Variants in ZNF557 observed in about 807,000 individuals in gnomAD.
ZNF557 encodes the protein CTB-25J19.9.
A neutral mutation model predicts 21.2 loss-of-function variants in ZNF557; 19 were observed. That is an observed-to-expected ratio of 0.90 (90% CI 0.63 to 1.32). The LOEUF is 1.32. ZNF557 is among the 40% of genes most tolerant of loss of function. The pLI is 0.00. For synonymous variants in ZNF557, 207 were observed against 194.8 expected (o/e 1.06, Z -0.52); for missense variants, 487 against 519.8 (o/e 0.94, Z 0.61).
In ZNF557 at chr19:7,084,534, C is replaced by T. The variant is rs1248534103; in HGVS notation, c.*790C>T. ...TCTGGCTAATTTGTTTTTTTTTAAA[C>T]TAGAGGGAGGGTTTTGCCATGTTGC... On this transcript the variant is annotated 3_prime_UTR_variant, in exon 8 of 8. Transcript: ENST00000252840. The T allele has an allele frequency of 6.6e-6, 1 of 151,382 alleles. No homozygotes were observed. Among genetic ancestry groups the T allele is most frequent in the African/African-American group, 2.4e-5 (1 of 41,124 alleles). The allele number at this position is 151,382 out of a possible 1,614,324, so 9.4% of individuals were successfully genotyped here. A position where few individuals can be genotyped will look rare whatever the true frequency, so the allele number is the denominator to read the frequency against.
rs1185955562 is a variant in ZNF557 at position 7,086,139 on chromosome 19, G to A, written c.*2395G>A. On this transcript the variant is annotated 3_prime_UTR_variant, in exon 8 of 8. Coordinates refer to ENST00000252840, the MANE Select transcript of ZNF557 (RefSeq NM_024341.3). The stretch of plus-strand genomic sequence containing the variant: ...CCAGCTACTCAAGAGGCTGAGGAAG[G>A]AGAATCACTTGAACCCGGGAAATGG... 2 of 147,070 alleles carry A rather than the reference G, an allele frequency of 1.4e-5. No homozygotes were observed. Among genetic ancestry groups the A allele is most frequent in the African/African-American group, 5.1e-5 (2 of 39,530 alleles). The allele number at this position is 147,070 out of a possible 1,614,324, so 9.1% of individuals were successfully genotyped here.
chr19:7,081,828 A>G (rs1349775239), intron 6 of ZNF557, 142 bp from the exon 7 acceptor site: 7 of 635,868 alleles, frequency 1.1e-5, no homozygotes, highest in South Asian at 3.8e-5. Context: ...TTTCACACCC[A>G]TATCTCTTTC....
rs1004046230 is a variant in ZNF557 at position 7,086,486 on chromosome 19, C to G, written c.*2742C>G. The stretch of plus-strand genomic sequence containing the variant: ...ACGCCATCCTCCTGCCTCAGCCTCC[C>G]GAGTAGCTGGGACTACAGGTGCCCA... On this transcript the variant is annotated 3_prime_UTR_variant, in exon 8 of 8. Coordinates refer to ENST00000252840, the MANE Select transcript of ZNF557 (RefSeq NM_024341.3). 6.7e-6 allele frequency: 1 copy of G among 150,194 alleles called. No individual in the cohort carries two copies. Among genetic ancestry groups the G allele is most frequent in the East Asian group, 2.1e-4 (1 of 4,862 alleles). The allele number at this position is 150,194 out of a possible 1,614,324, so 9.3% of individuals were successfully genotyped here. A position where few individuals can be genotyped will look rare whatever the true frequency, so the allele number is the denominator to read the frequency against.
intron 5 of ZNF557, among the ~76,000 whole-genome samples, chr19:7,077,236 A>G (rs916805797): frequency 5.2e-5 from 7 of 134,918 alleles, no homozygotes; most frequent in African/African-American, 8.4e-5. Context: ...TCCAGGTTCA[A>G]TCTGTTCTCC....
chr19:7,083,542 C>G lies in ZNF557; in HGVS notation c.1091C>G (p.Thr364Arg). Residue 364 changes from threonine to arginine, a missense_variant, in exon 8 of 8, where the codon ACA becomes AGA. Physicochemically the swap from Thr to Arg is moderately conservative, Grantham distance 71 (BLOSUM62 -1). Coordinates refer to ENST00000252840, the MANE Select transcript of ZNF557 (RefSeq NM_024341.3). The stretch of plus-strand genomic sequence containing the variant: ...TCCTTTACCAATAGCTTTTCTCTTA[C>G]AATTCACAGGAGAATACATAATGGA... ...GKSFTNSFSL[T>R]IHRRIHNGEK... is the part of the protein sequence containing the mutation. The G allele has an allele frequency of 6.2e-7, 1 of 1,614,120 alleles. No homozygotes were observed. The highest frequency in any genetic ancestry group is 8.5e-7 in the Non-Finnish European group (1 of 1,180,020).
Position 7,083,712 on chromosome 19 carries a change from G to C in ZNF557, c.1261G>C (p.Val421Leu). The C allele has an allele frequency of 6.2e-7, 1 of 1,611,050 alleles. No homozygotes were observed. The highest frequency in any genetic ancestry group is 8.5e-7 in the Non-Finnish European group (1 of 1,178,332). The change falls in exon 8 of 8, where the codon GTG (valine) becomes CTG (leucine). Residue 421 changes from valine (V) to leucine (L), a missense_variant. Val to Leu is a conservative substitution (Grantham distance 32, BLOSUM62 1). Coordinates refer to ENST00000252840, the MANE Select transcript of ZNF557 (RefSeq NM_024341.3). The part of the protein sequence containing the change: ...KSFTSNSYLS[V>L]HTRMHNRQM ...CTTCACAAGTAACTCCTACCTTTCT[G>C]TGCATACGAGAATGCATAATAGGCA...
At position 7,070,591 on chromosome 19, in the gene ZNF557, T is replaced by C. The variant is rs1267990262; in HGVS notation, c.-142T>C. 2 of 152,154 alleles carry C rather than the reference T, an allele frequency of 1.3e-5. No homozygotes were observed. Among genetic ancestry groups the C allele is most frequent in the African/African-American group, 4.8e-5 (2 of 41,414 alleles). 9.4% of individuals were successfully genotyped at this position (152,154 alleles called of 1,614,324 possible). ...AAAAAGTATAATTCAAGCTCAGATTTGTGTTGAAACCAGCCTCAAGTTTCA... is the reference window on the plus strand; with the variant it reads ...AAAAAGTATAATTCAAGCTCAGATTCGTGTTGAAACCAGCCTCAAGTTTCA... On this transcript the variant is annotated 5_prime_UTR_variant, in exon 2 of 8. Coordinates refer to ENST00000252840, the MANE Select transcript of ZNF557 (RefSeq NM_024341.3).
chr19:7,075,837 T>A (rs1183546370), intron 4 of ZNF557, 94 bp downstream of exon 4: 15 of 1,545,100 alleles, frequency 9.7e-6, no homozygotes, highest in Non-Finnish European at 1.3e-5. Context: ...ACGGCCAAAC[T>A]TGTTCCTCAG....
rs1977753701 is a variant in ZNF557, at chr19:7,083,146, G to T, written c.695G>T (p.Gly232Val). 3.7e-6 allele frequency: 6 copies of T among 1,614,034 alleles called. No individual in the cohort carries two copies. The highest frequency in any genetic ancestry group is 5.1e-6 in the Non-Finnish European group (6 of 1,180,014). Residue 232 changes from glycine (G) to valine (V), a missense_variant, in exon 8 of 8, where the codon GGG (glycine) becomes GTG (valine). Coordinates refer to ENST00000252840, the MANE Select transcript of ZNF557 (RefSeq NM_024341.3). The part of the protein sequence containing the change: ...YLTVHKRIHN[G>V]EKPYECSDCG... ...ACTGTTCATAAGAGAATCCACAATGGGGAGAAACCCTACGAATGCAGTGAC... is the reference window on the plus strand; with the variant it reads ...ACTGTTCATAAGAGAATCCACAATGTGGAGAAACCCTACGAATGCAGTGAC...
At chr19:7,075,370 A>T (rs184902479) in intron 3 of ZNF557, among the ~76,000 whole-genome samples, 1 of 152,282 alleles carries the variant, frequency 6.6e-6, no homozygotes, top group Admixed American at 6.5e-5. Context: ...AAACACAGTG[A>T]CGCCCTCGGA....
At position 7,083,395 on chromosome 19, in the gene ZNF557, C is replaced by T. The variant is rs1200411267; in HGVS notation, c.944C>T (p.Thr315Ile). 1.9e-6 allele frequency: 3 copies of T among 1,614,074 alleles called. No homozygotes were observed. Among genetic ancestry groups the T allele is most frequent in the African/African-American group, 1.3e-5 (1 of 74,930 alleles). Residue 315 changes from threonine to isoleucine, a missense_variant, in exon 8 of 8, where the codon ACA (threonine) becomes ATA (isoleucine). Physicochemically the swap from Thr to Ile is moderately conservative, Grantham distance 89 (BLOSUM62 -1). Coordinates refer to ENST00000252840, the MANE Select transcript of ZNF557 (RefSeq NM_024341.3). Reference protein sequence around the residue: ...SSLSSHYSIHTGEYPYECHDC... With the variant: ...SSLSSHYSIHIGEYPYECHDC... ...CTTTCTTCGCACTATAGCATTCATA[C>T]AGGGGAGTACCCTTACGAATGCCAC...
Position 7,081,296 on chromosome 19 carries a change from T to G in ZNF557, c.248-64T>G, listed in dbSNP as rs1418504834. On this transcript the variant is annotated intron_variant, in intron 5 of 7. Transcript: ENST00000252840. The stretch of plus-strand genomic sequence containing the variant: ...TCTTCACCTTCAGAACTGATTTCAG[T>G]TTCATGGGAGAGCTTGTCTGCTGCA... 5 of 1,139,980 alleles carry G rather than the reference T, an allele frequency of 4.4e-6. No individual in the cohort carries two copies. The African/African-American group carries it at 6.1e-5, about 14-fold the overall frequency. The allele number at this position is 1,139,980 out of a possible 1,614,324, so 70.6% of individuals were successfully genotyped here. A position where few individuals can be genotyped will look rare whatever the true frequency, so the allele number is the denominator to read the frequency against.
In ZNF557 at chr19:7,075,685, G is replaced by T; in HGVS notation, c.62G>T (p.Arg21Leu). 1 of 1,613,696 alleles carries T rather than the reference G, an allele frequency of 6.2e-7. No individual in the cohort carries two copies. The highest frequency in any genetic ancestry group is 8.5e-7 in the Non-Finnish European group (1 of 1,179,718). Reference sequence around the variant, plus strand: ...TCTTCCCTGTTCCCAGCCTCTCAGCGAGAAGGACACACAGAGGGCGGAGAG... The same window carrying T: ...TCTTCCCTGTTCCCAGCCTCTCAGCTAGAAGGACACACAGAGGGCGGAGAG... The part of the protein sequence containing the change: ...ALSSLFPASQ[R>L]EGHTEGGELV... Residue 21 changes from arginine (R) to leucine (L), a missense_variant, in exon 4 of 8, where the codon CGA becomes CTA. By Grantham distance (102) the Arg-to-Leu change is moderately radical. Coordinates refer to ENST00000252840, the MANE Select transcript of ZNF557 (RefSeq NM_024341.3).
In ZNF557 at chr19:7,085,065, C is replaced by G. The variant is rs1228173515; in HGVS notation, c.*1321C>G. The G allele has an allele frequency of 1.3e-5, 2 of 152,196 alleles. No homozygotes were observed. Among genetic ancestry groups the G allele is most frequent in the African/African-American group, 4.8e-5 (2 of 41,450 alleles). 9.4% of individuals were successfully genotyped at this position (152,196 alleles called of 1,614,324 possible). On this transcript the variant is annotated 3_prime_UTR_variant, in exon 8 of 8. Coordinates refer to ENST00000252840, the MANE Select transcript of ZNF557 (RefSeq NM_024341.3). ...ATGCTATAAAAGCCTTGAATATTCT[C>G]TCCATTTTTAAGAAGTGAGATTCAT...
intron 7 of ZNF557, 62 bp from the exon 8 acceptor site, chr19:7,082,816 C>A: frequency 6.8e-7 from 1 of 1,480,372 alleles, no homozygotes; most frequent in South Asian, 1.4e-5. Context: ...GGAAATTCCT[C>A]TGACAGCATT....
rs560345623 is a variant in ZNF557, at chr19:7,084,476, A to T, written c.*732A>T. The T allele has an allele frequency of 2.6e-5, 4 of 152,110 alleles. No homozygotes were observed. The highest frequency in any genetic ancestry group is 9.6e-5 in the African/African-American group (4 of 41,500). The allele number at this position is 152,110 out of a possible 1,614,324, so 9.4% of individuals were successfully genotyped here. On this transcript the variant is annotated 3_prime_UTR_variant, in exon 8 of 8. Transcript: ENST00000252840. ...AGTAATTCTCCTGCCCCAGCCTCCA[A>T]TGTAGCTGGGACTACAGGTGCATGA...
chr19:7,081,487 G>A (rs145574718), intron 6 of ZNF557, 32 bp downstream of exon 6: 19 of 1,452,218 alleles, frequency 1.3e-5, no homozygotes, highest in African/African-American at 1.1e-4. Context: ...GTCCTTGTGA[G>A]GAACAGCTCT....
rs1977875038 is a variant in ZNF557, at chr19:7,087,202, C to CTTTTTTTTTTGTT, written c.*3468_*3469insGTTTTTTTTTTTT. Reference sequence around the variant, plus strand: ...GACACAAAGCATAGAGTTAAAAGAGCTTTTTTTTTTTTTTTTTTTTTTTTC... The same window carrying CTTTTTTTTTTGTT: ...GACACAAAGCATAGAGTTAAAAGAGCTTTTTTTTTTGTTTTTTTTTTTTTTTTTTTTTTTTTTC... On this transcript the variant is annotated 3_prime_UTR_variant, in exon 8 of 8. Transcript: ENST00000252840. The CTTTTTTTTTTGTT allele has an allele frequency of 1.9e-5, 1 of 51,690 alleles. No homozygotes were observed. Among genetic ancestry groups the CTTTTTTTTTTGTT allele is most frequent in the Admixed American group, 3.5e-4 (1 of 2,842 alleles). The allele number at this position is 51,690 out of a possible 1,614,324, so 3.2% of individuals were successfully genotyped here.
In ZNF557 at chr19:7,086,352, G is replaced by GTT. The variant is rs1977844542; in HGVS notation, c.*2610_*2611dup. 1 of 117,734 alleles carries GTT rather than the reference G, an allele frequency of 8.5e-6. No individual in the cohort carries two copies. Among genetic ancestry groups the GTT allele is most frequent in the Non-Finnish European group, 1.7e-5 (1 of 58,046 alleles). The allele number at this position is 117,734 out of a possible 1,614,324, so 7.3% of individuals were successfully genotyped here. A position where few individuals can be genotyped will look rare whatever the true frequency, so the allele number is the denominator to read the frequency against. On this transcript the variant is annotated 3_prime_UTR_variant, in exon 8 of 8. Coordinates refer to ENST00000252840, the MANE Select transcript of ZNF557 (RefSeq NM_024341.3). ...TTTGTGTCCTAATATAGCAAATACT[G>GTT]TTTCTTTTTTTTTTTTTTTTTTTTT...
Sources: allele counts gnomAD v4.1 joint callset (sites outside exome capture counted in the v4.1 genomes callset), GRCh38; gene constraint gnomAD v4.1.1; transcripts MANE v1.5; gene names NCBI Gene and HGNC (gene_info 2026-07-23, HGNC 2026-07-21).